PCDHA8: variants seen among roughly 807,000 people sequenced by gnomAD.
PCDHA8 encodes the protein protocadherin alpha 8.
PCDHA8 carries 53 observed loss-of-function variants against 61.8 expected under a neutral mutation model. That is an observed-to-expected ratio of 0.86 (90% CI 0.69 to 1.08). The LOEUF is 1.08. Among genes scored for constraint, PCDHA8 ranks in the 50% least tolerant of loss-of-function variants. The probability of loss-of-function intolerance (pLI) is 0.00; values close to 1 mark genes in which losing one functional copy is unlikely to be tolerated. For missense variants in PCDHA8, 1,293 were observed against 1,245.0 expected (o/e 1.04, Z -0.58); for synonymous variants, 618 against 556.6 (o/e 1.11, Z -1.55).
intron 1 of PCDHA8, among the ~76,000 whole-genome samples, chr5:140,917,533 T>C (rs1584058253): frequency 6.6e-6 from 1 of 152,346 alleles, no homozygotes; most frequent in East Asian, 1.9e-4. Context: ...GTTTGTATAG[T>C]TTTAGGTTTT....
In PCDHA8 at chr5:140,857,206, C is replaced by T. The variant is rs1554149659; in HGVS notation, c.2394+13491C>T. On this transcript the variant is annotated intron_variant, in intron 1 of 3. Transcript: ENST00000531613. Reference sequence around the variant, plus strand: ...CAGGAGCCAACGGACAGGTCACCTGCTCTCTGACGCCTCACGTTCCGTTCA... The same window carrying T: ...CAGGAGCCAACGGACAGGTCACCTGTTCTCTGACGCCTCACGTTCCGTTCA... The T allele has an allele frequency of 2.5e-6, 4 of 1,598,614 alleles. No homozygotes were observed. The South Asian group carries it at 3.3e-5, about 13-fold the overall frequency.
chr5:140,941,185 CTTT>C (rs782102770), intron 1 of PCDHA8, among the ~76,000 whole-genome samples: 1 of 102,176 alleles, frequency 9.8e-6, no homozygotes, highest in Admixed American at 9.9e-5. Flanking sequence ...CATCCTGCTT[CTTT>C]TTTTTTCTTT....
At chr5:140,883,910 A>G in intron 1 of PCDHA8, 4 of 1,613,424 alleles carry the variant, frequency 2.5e-6, no homozygotes, top group Non-Finnish European at 3.4e-6. Context: ...TCTGGGCAGC[A>G]ACGTGACGCT....
intron 1 of PCDHA8, among the ~76,000 whole-genome samples, chr5:140,881,790 G>T (rs2058832674): frequency 6.6e-6 from 1 of 152,164 alleles, no homozygotes; most frequent in Non-Finnish European, 1.5e-5. Context: ...CCGATCAATT[G>T]TCCCAAAACG....
chr5:140,962,107 G>A (rs1010906038), intron 1 of PCDHA8, among the ~76,000 whole-genome samples: 20 of 151,860 alleles, frequency 1.3e-4, no homozygotes, highest in African/African-American at 4.4e-4. Flanking sequence ...GGATGGTCTC[G>A]ATCTCCTAAC....
At position 140,883,968 on chromosome 5, in the gene PCDHA8, C is replaced by G. The variant is rs201548026; in HGVS notation, c.2394+40253C>G. 34 of 1,613,020 alleles carry G rather than the reference C, an allele frequency of 2.1e-5. No homozygotes were observed. The East Asian group carries it at 7.4e-4, about 35-fold the overall frequency. ...AACGACAACGCTCCGGCGCTGCTGACGCCCGGGGCTGGCAGCGCGGGAGGC... is the reference window on the plus strand; with the variant it reads ...AACGACAACGCTCCGGCGCTGCTGAGGCCCGGGGCTGGCAGCGCGGGAGGC... On this transcript the variant is annotated intron_variant, in intron 1 of 3. Coordinates refer to ENST00000531613, the MANE Select transcript of PCDHA8 (RefSeq NM_018911.3).
chr5:140,967,257 G>A (rs782706939), intron 1 of PCDHA8: 2 of 1,613,486 alleles, frequency 1.2e-6, no homozygotes, highest in East Asian at 2.2e-5. Flanking sequence ...GTGGCGCCTG[G>A]AGCGCGCTTT....
chr5:140,848,851 T>C lies in PCDHA8; in HGVS notation c.2394+5136T>C, dbSNP rs2150422604. ...GACAGGCCGCTGCAGGTTTTCCATG[T>C]GGACGTGGAGGTGAAGGACATTAAC... is the stretch of plus-strand genomic sequence containing the variant. On this transcript the variant is annotated intron_variant, in intron 1 of 3. Coordinates refer to ENST00000531613, the MANE Select transcript of PCDHA8 (RefSeq NM_018911.3). 2.7e-5 allele frequency: 43 copies of C among 1,590,598 alleles called. 4 individuals carry two copies. The Middle Eastern group carries it at 5.0e-4, about 19-fold the overall frequency.
intron 1 of PCDHA8, among the ~76,000 whole-genome samples, chr5:140,917,038 C>T (rs1342700377): frequency 6.6e-6 from 1 of 152,168 alleles, no homozygotes; most frequent in African/African-American, 2.4e-5. Context: ...CTGAGTCCAG[C>T]ACAGTGTTGT....
At chr5:140,870,135 T>C (rs781798788) in intron 1 of PCDHA8, 1 of 1,614,000 alleles carries the variant, frequency 6.2e-7, no homozygotes, top group Non-Finnish European at 8.5e-7. Context: ...ACACCAACGA[T>C]AACTCTCCTG....
At chr5:140,858,313 G>C (rs781800844) in intron 1 of PCDHA8, 2 of 1,597,108 alleles carry the variant, frequency 1.3e-6, no homozygotes, top group East Asian at 4.5e-5. Context: ...GGCGGCAGAG[G>C]GTGTGTTCTG....
chr5:140,995,812 G>A (rs2097699173), intron 3 of PCDHA8, among the ~76,000 whole-genome samples: 1 of 152,202 alleles, frequency 6.6e-6, no homozygotes, highest in Non-Finnish European at 1.5e-5. Flanking sequence ...TTTCTGAAGG[G>A]AGATAGCCTG....
chr5:140,871,413 C>T (rs2053063966), intron 1 of PCDHA8: 5 of 1,613,884 alleles, frequency 3.1e-6, no homozygotes, highest in Admixed American at 1.7e-5. Context: ...ACCTCATGGC[C>T]TTCAGCCCCA....
intron 1 of PCDHA8, chr5:140,876,193 G>A: frequency 6.2e-7 from 1 of 1,613,950 alleles, no homozygotes; most frequent in Non-Finnish European, 8.5e-7. Flanking sequence ...CAATGGTCCG[G>A]CGTTTGATAA....
chr5:140,877,112 G>A, intron 1 of PCDHA8: 1 of 1,613,670 alleles, frequency 6.2e-7, no homozygotes, highest in Non-Finnish European at 8.5e-7. Flanking sequence ...CCTCTGGGCA[G>A]CAACGTGACG....
At chr5:140,895,912 A>G (rs1215168324) in intron 1 of PCDHA8, among the ~76,000 whole-genome samples, 1 of 152,146 alleles carries the variant, frequency 6.6e-6, no homozygotes, top group African/African-American at 2.4e-5. Context: ...CCCGGGCTCA[A>G]CAATTATCCT....
intron 1 of PCDHA8, among the ~76,000 whole-genome samples, chr5:140,976,851 T>C (rs1402328541): frequency 6.6e-6 from 1 of 152,206 alleles, no homozygotes; most frequent in African/African-American, 2.4e-5. Context: ...ATCCCTTTCA[T>C]AGAGTTTACT....
intron 3 of PCDHA8, 66 bp from the exon 4 acceptor site, chr5:141,009,561 A>C: frequency 6.4e-7 from 1 of 1,571,278 alleles, no homozygotes; most frequent in Non-Finnish European, 8.6e-7. Context: ...CCTGTACTCT[A>C]CCAGCAGTGT....
intron 1 of PCDHA8, among the ~76,000 whole-genome samples, chr5:140,972,609 A>G (rs1344399252): frequency 1.3e-5 from 2 of 151,526 alleles, no homozygotes; most frequent in Non-Finnish European, 2.9e-5. Flanking sequence ...TCTGAACTTG[A>G]TACTGAATGT....
Sources: gnomAD v4.1 joint callset for allele counts (sites outside exome capture counted in the v4.1 genomes callset) on GRCh38, gnomAD v4.1.1 for gene constraint, MANE v1.5 for transcripts, NCBI Gene and HGNC (gene_info 2026-07-23, HGNC 2026-07-21) for gene names.